The following DOCK5 variants were observed in gnomAD, a reference collection of about 807,000 sequenced individuals.
DOCK5 encodes the protein dedicator of cytokinesis protein 5.
DOCK5 carries 142 observed loss-of-function variants against 251.8 expected under a neutral mutation model. The ratio of observed to expected loss-of-function variants is 0.56; its 90% CI spans 0.49 to 0.65. The LOEUF is 0.65. DOCK5 is among the 30% of genes least tolerant of loss of function. The probability of loss-of-function intolerance (pLI) is 0.00; values close to 1 mark genes in which losing one functional copy is unlikely to be tolerated. For missense variants in DOCK5, 2,111 were observed against 2,312.3 expected (o/e 0.91, Z 1.79); for synonymous variants, 842 against 835.5 (o/e 1.01, Z -0.13).
intron 46 of DOCK5, 88 bp downstream of exon 46, chr8:25,400,082 C>T: frequency 9.7e-7 from 1 of 1,027,702 alleles, no homozygotes; most frequent in South Asian, 1.5e-5. Flanking sequence ...CAAGCCCACT[C>T]AGGGTGACTT....
rs112809257 is a variant in DOCK5, at chr8:25,372,580, A to G, written c.3546A>G (p.Lys1182=). The G allele has an allele frequency of 2.5e-6, 4 of 1,581,642 alleles. No individual in the cohort carries two copies. The African/African-American group carries it at 4.1e-5, about 16-fold the overall frequency. Residue 1182 remains lysine, a synonymous_variant, in exon 35 of 52, where the codon AAA becomes AAG. Transcript: ENST00000276440. Reference sequence around the variant, plus strand: ...CCAGGCTCCTAGAACATTGCCGGAAACACAAATACCTCTCCAGCTCTGGGG... The same window carrying G: ...CCAGGCTCCTAGAACATTGCCGGAAGCACAAATACCTCTCCAGCTCTGGGG... ...LEKLLLEHCR[K]HKYLSSSGEV... is the part of the protein sequence containing the mutation.
intron 2 of DOCK5, among the ~76,000 whole-genome samples, chr8:25,247,829 T>A (rs1447783989): frequency 1.3e-5 from 2 of 152,200 alleles, no homozygotes; most frequent in Admixed American, 1.3e-4. Flanking sequence ...CACTACGATA[T>A]GCTTGTAGGA....
chr8:25,231,713 C>T (rs1434563250), intron 1 of DOCK5, among the ~76,000 whole-genome samples: 1 of 152,030 alleles, frequency 6.6e-6, no homozygotes, highest in African/African-American at 2.4e-5. Context: ...CTAGACCCAC[C>T]CTTAAAATGT....
In DOCK5 at chr8:25,403,659, T is replaced by G; in HGVS notation, c.5028T>G (p.Thr1676=). The G allele has an allele frequency of 6.2e-7, 1 of 1,613,992 alleles. No homozygotes were observed. Among genetic ancestry groups the G allele is most frequent in the Non-Finnish European group, 8.5e-7 (1 of 1,179,864 alleles). ...TLRRLSITSV[T]SSVVSTSSNS... is the part of the protein sequence containing the mutation. The stretch of plus-strand genomic sequence containing the variant: ...GGAGGTTGTCCATCACCTCAGTCAC[T>G]TCCTCTGTGGTTTCCACCTCTTCAA... Residue 1676 remains threonine (T), a synonymous_variant, in exon 48 of 52, where the codon ACT becomes ACG. Transcript: ENST00000276440.
At chr8:25,210,060 G>C (rs1430858466) in intron 1 of DOCK5, among the ~76,000 whole-genome samples, 316 of 27,252 alleles carry the variant, frequency 0.012, 75 homozygotes, top group African/African-American at 0.031. Context: ...GTGTGTGTGT[G>C]TGTGTGTGTA....
rs146489071 is a variant in DOCK5, at chr8:25,237,901, G to A, written c.44-5773G>A. Among the ~76,000 whole-genome samples the A allele has an allele frequency of 6.3e-3, 954 of 152,312 alleles. 31 individuals carry two copies. The highest frequency in any genetic ancestry group is 0.051 in the Admixed American group (777 of 15,302). ...AAGAAACTGAGGCCTAGGCTTAGTAGCTCATTCAAGGTCATGCATTGTGTA... is the reference window on the plus strand; with the variant it reads ...AAGAAACTGAGGCCTAGGCTTAGTAACTCATTCAAGGTCATGCATTGTGTA... On this transcript the variant is annotated intron_variant, in intron 1 of 51. Transcript: ENST00000276440.
intron 5 of DOCK5, among the ~76,000 whole-genome samples, chr8:25,281,290 T>A (rs1804184350): frequency 6.6e-6 from 1 of 151,724 alleles, no homozygotes; most frequent in Admixed American, 6.6e-5. Flanking sequence ...TAGCTGGGTG[T>A]AGTGGCTTGT....
intron 1 of DOCK5, among the ~76,000 whole-genome samples, chr8:25,209,789 C>T (rs1280939175): frequency 1.5e-5 from 1 of 67,384 alleles, no homozygotes; most frequent in African/African-American, 3.4e-5. Context: ...CACTTCTACT[C>T]TCAACAAGAG....
At chr8:25,213,665 C>T (rs1802158820) in intron 1 of DOCK5, among the ~76,000 whole-genome samples, 1 of 152,200 alleles carries the variant, frequency 6.6e-6, no homozygotes, top group African/African-American at 2.4e-5. Context: ...TACCTCCTCA[C>T]CCCCCAAAGA....
chr8:25,187,264 T>TAC (rs58401943), intron 1 of DOCK5, among the ~76,000 whole-genome samples: 1 of 148,634 alleles, frequency 6.7e-6, no homozygotes, highest in East Asian at 2.0e-4. Context: ...CACACACGTA[T>TAC]ACACACACAT....
chr8:25,260,486 A>G (rs1803549947), intron 2 of DOCK5, among the ~76,000 whole-genome samples: 1 of 152,150 alleles, frequency 6.6e-6, no homozygotes, highest in African/African-American at 2.4e-5. Context: ...AAAACACTCC[A>G]TAATTTCAGC....
chr8:25,296,836 C>G (rs1804628521), intron 7 of DOCK5, among the ~76,000 whole-genome samples, 188 bp downstream of exon 7: 1 of 151,698 alleles, frequency 6.6e-6, no homozygotes, highest in Non-Finnish European at 1.5e-5. Context: ...GGAAAGATCG[C>G]AAAGATACGT....
intron 13 of DOCK5, among the ~76,000 whole-genome samples, chr8:25,311,696 C>T (rs1468668516): frequency 1.3e-5 from 2 of 151,790 alleles, no homozygotes; most frequent in Non-Finnish European, 2.9e-5. Flanking sequence ...CTGAGGCAGG[C>T]AGATCACATG....
At chr8:25,231,690 C>T (rs572598114) in intron 1 of DOCK5, among the ~76,000 whole-genome samples, 1 of 152,012 alleles carries the variant, frequency 6.6e-6, no homozygotes, top group African/African-American at 2.4e-5. Context: ...TTTTTCTTGC[C>T]TTATTGCATT....
intron 9 of DOCK5, among the ~76,000 whole-genome samples, 155 bp from the exon 10 acceptor site, chr8:25,302,170 T>C (rs1332090200): frequency 1.3e-5 from 2 of 152,186 alleles, no homozygotes; most frequent in Non-Finnish European, 2.9e-5. Context: ...TAATAGCTCT[T>C]GGATGGAGAT....
chr8:25,192,239 ATGTGT>A (rs1273150119), intron 1 of DOCK5, among the ~76,000 whole-genome samples: 5 of 151,998 alleles, frequency 3.3e-5, no homozygotes, highest in Admixed American at 6.6e-5. Context: ...ATACATGTGC[ATGTGT>A]CTTTATAGCA....
At chr8:25,337,295 T>G (rs1390771350) in intron 22 of DOCK5, among the ~76,000 whole-genome samples, 2 of 152,182 alleles carry the variant, frequency 1.3e-5, no homozygotes, top group African/African-American at 2.4e-5. Flanking sequence ...AGATTAGACA[T>G]CTTTGTCCTT....
At chr8:25,290,028 T>C (rs189964576) in intron 5 of DOCK5, among the ~76,000 whole-genome samples, 89 of 152,228 alleles carry the variant, frequency 5.8e-4, no homozygotes, top group Admixed American at 1.2e-3. Flanking sequence ...TCTTATACTT[T>C]TCATCATCAG....
intron 13 of DOCK5, among the ~76,000 whole-genome samples, chr8:25,311,679 T>C (rs35133850): frequency 0.05 from 7,634 of 152,158 alleles, 290 homozygotes; most frequent in South Asian, 0.13. Flanking sequence ...CCCAGAACTT[T>C]AGGAGGCTGA....
Sources: allele counts gnomAD v4.1 joint callset (sites outside exome capture counted in the v4.1 genomes callset), GRCh38; gene constraint gnomAD v4.1.1; transcripts MANE v1.5; gene names NCBI Gene and HGNC (gene_info 2026-07-23, HGNC 2026-07-21).